Variants in NEK11 observed in about 807,000 individuals in gnomAD.
NEK11 encodes the protein NIMA related kinase 11, also known as serine/threonine-protein kinase Nek11.
NEK11 carries 72 observed loss-of-function variants against 80.7 expected under a neutral mutation model. The ratio of observed to expected loss-of-function variants is 0.89; its 90% CI spans 0.74 to 1.08. NEK11 has a LOEUF of 1.08. Ranked by LOEUF, NEK11 falls within the 50% of genes least tolerant of loss-of-function variation. The pLI is 0.00. For synonymous variants in NEK11, 251 were observed against 260.7 expected (o/e 0.96, Z 0.36); for missense variants, 764 against 763.6 (o/e 1.00, Z -0.01).
chr3:131,285,796 C>T (rs1198960383), intron 17 of NEK11, among the ~76,000 whole-genome samples: 1 of 152,186 alleles, frequency 6.6e-6, no homozygotes, highest in East Asian at 1.9e-4. Context: ...TCTGTGCCAG[C>T]TGATGCTTAA....
intron 15 of NEK11, among the ~76,000 whole-genome samples, chr3:131,243,067 TTTATTC>T (rs1458259531): frequency 2.8e-4 from 42 of 152,292 alleles, no homozygotes; most frequent in African/African-American, 1.0e-3. Context: ...AAATATTTCT[TTTATTC>T]TAATAGCATT....
At chr3:131,190,335 A>T (rs1354224957) in intron 14 of NEK11, among the ~76,000 whole-genome samples, 1 of 152,098 alleles carries the variant, frequency 6.6e-6, no homozygotes, top group Non-Finnish European at 1.5e-5. Flanking sequence ...TAAACAGACA[A>T]ATATGTTGGA....
intron 14 of NEK11, 127 bp from the exon 15 acceptor site, chr3:131,228,401 A>G: frequency 1.5e-6 from 1 of 653,760 alleles, no homozygotes; most frequent in South Asian, 4.1e-5. Flanking sequence ...GCTGAGATTC[A>G]GCTCTACACT....
intron 14 of NEK11, among the ~76,000 whole-genome samples, chr3:131,186,929 A>G (rs1376758615): frequency 1.3e-5 from 2 of 152,212 alleles, no homozygotes; most frequent in Admixed American, 6.5e-5. Context: ...CAAAGGCTGT[A>G]TGTATAAGTG....
At chr3:131,061,550 A>C (rs1225108961) in intron 3 of NEK11, among the ~76,000 whole-genome samples, 1 of 151,806 alleles carries the variant, frequency 6.6e-6, no homozygotes, top group Non-Finnish European at 1.5e-5. Context: ...CTTTTTTCCT[A>C]CTTCTGTTTC....
In NEK11 at chr3:131,325,281, A is replaced by AAAAC. The variant is rs1265471273; in HGVS notation, c.1719-24273_1719-24270dup. 4 of 133,234 alleles carry AAAAC rather than the reference A, an allele frequency of 3.0e-5. No homozygotes were observed. In the East Asian group the frequency reaches 1.0e-3, roughly 35 times the overall value. 8.3% of individuals were successfully genotyped at this position (133,234 alleles called of 1,614,324 possible). A position where few individuals can be genotyped will look rare whatever the true frequency, so the allele number is the denominator to read the frequency against. ...GCATAAATTTCAACAATTTTGAGCAAAAACAAGAAATAACTTATACCATTT... is the reference window on the plus strand; with the variant it reads ...GCATAAATTTCAACAATTTTGAGCAAAAACAAACAAGAAATAACTTATACCATTT... On this transcript the variant is annotated intron_variant, in intron 17 of 17. Coordinates refer to ENST00000383366, the MANE Select transcript of NEK11 (RefSeq NM_024800.5).
At chr3:131,134,132 T>C (rs1181276549) in intron 7 of NEK11, 176 bp downstream of exon 7, 6 of 511,394 alleles carry the variant, frequency 1.2e-5, no homozygotes, top group Non-Finnish European at 1.8e-5. Context: ...TTCATTAAAC[T>C]AGTTTCAAAA....
At chr3:131,048,140 C>A (rs2109922252) in intron 3 of NEK11, among the ~76,000 whole-genome samples, 1 of 152,284 alleles carries the variant, frequency 6.6e-6, no homozygotes, top group Non-Finnish European at 1.5e-5. Flanking sequence ...CTCTCAATAG[C>A]ACTGAGTTTA....
chr3:131,029,951 T>G (rs973873356), intron 3 of NEK11, 73 bp downstream of exon 3: 1 of 1,428,294 alleles, frequency 7.0e-7, no homozygotes, highest in African/African-American at 1.4e-5. Context: ...ATTAGGAACA[T>G]GGAGCAGGCC....
In NEK11 at chr3:131,171,003, A is replaced by G. The variant is rs1038246961; in HGVS notation, c.1399+116A>G. 12 of 784,764 alleles carry G rather than the reference A, an allele frequency of 1.5e-5. No homozygotes were observed. The East Asian group carries it at 1.7e-4, about 11-fold the overall frequency. 48.6% of individuals were successfully genotyped at this position (784,764 alleles called of 1,614,324 possible). On this transcript the variant is annotated intron_variant, in intron 14 of 17. Transcript: ENST00000383366. ...GGAGAAGCTCTGAGTGTGTGCAGCT[A>G]TTATCAGTTTACCAGGGCTGGGCTA...
chr3:131,103,673 C>T (rs1229154343), intron 4 of NEK11, among the ~76,000 whole-genome samples: 1 of 152,160 alleles, frequency 6.6e-6, no homozygotes, highest in Admixed American at 6.5e-5. Context: ...GATGTTTGGG[C>T]TGCAGGGTTC....
intron 14 of NEK11, among the ~76,000 whole-genome samples, chr3:131,212,544 C>T (rs916839490): frequency 2.0e-5 from 3 of 152,190 alleles, no homozygotes; most frequent in Admixed American, 1.3e-4. Context: ...TGCAGAATCA[C>T]CCATCTTCTG....
At chr3:131,158,670 A>G (rs1239541556) in intron 10 of NEK11, among the ~76,000 whole-genome samples, 5 of 152,180 alleles carry the variant, frequency 3.3e-5, no homozygotes, top group African/African-American at 4.8e-5. Context: ...TTGCCAGTGG[A>G]GGGCCCCGGC....
chr3:131,182,394 C>G (rs534301499), intron 14 of NEK11, among the ~76,000 whole-genome samples: 1 of 152,228 alleles, frequency 6.6e-6, no homozygotes, highest in South Asian at 2.1e-4. Flanking sequence ...GTCAATTTTC[C>G]ACTTCTGTCT....
chr3:131,259,098 A>G (rs546662974), intron 16 of NEK11, among the ~76,000 whole-genome samples: 28 of 152,298 alleles, frequency 1.8e-4, no homozygotes, highest in Non-Finnish European at 3.5e-4. Context: ...CTTTCCAAAC[A>G]TCACAGAATC....
At chr3:131,137,829 C>T (rs767223572) in intron 7 of NEK11, among the ~76,000 whole-genome samples, 1 of 151,962 alleles carries the variant, frequency 6.6e-6, no homozygotes, top group Non-Finnish European at 1.5e-5. Flanking sequence ...CTGATCATGC[C>T]CCTCCCCAGG....
chr3:131,305,720 A>G (rs1246011392), intron 17 of NEK11, among the ~76,000 whole-genome samples: 1 of 152,108 alleles, frequency 6.6e-6, no homozygotes, highest in Non-Finnish European at 1.5e-5. Flanking sequence ...AGAATTCCAG[A>G]GGTTGATGGC....
chr3:131,090,141 A>G (rs981940125), intron 4 of NEK11, among the ~76,000 whole-genome samples: 2 of 152,230 alleles, frequency 1.3e-5, no homozygotes, highest in Non-Finnish European at 2.9e-5. Flanking sequence ...AAATCCTTTT[A>G]GGATTTAAAA....
intron 3 of NEK11, among the ~76,000 whole-genome samples, chr3:131,044,576 C>T (rs2067091387): frequency 1.3e-5 from 2 of 151,930 alleles, no homozygotes; most frequent in South Asian, 4.2e-4. Context: ...AGCCAACTAT[C>T]CTAGGTATAT....
Sources: allele counts gnomAD v4.1 joint callset (sites outside exome capture counted in the v4.1 genomes callset), GRCh38; gene constraint gnomAD v4.1.1; transcripts MANE v1.5; gene names NCBI Gene and HGNC (gene_info 2026-07-23, HGNC 2026-07-21).